TXK: variants seen among roughly 807,000 people sequenced by gnomAD.
TXK encodes tyrosine-protein kinase TXK.
TXK carries 60 observed loss-of-function variants against 81.0 expected under a neutral mutation model. The ratio of observed to expected loss-of-function variants is 0.74; its 90% CI spans 0.60 to 0.92. The LOEUF is 0.92. Ranked by LOEUF, TXK falls within the 40% of genes least tolerant of loss-of-function variation. The probability of loss-of-function intolerance (pLI) is 0.00; values close to 1 mark genes in which losing one functional copy is unlikely to be tolerated. For missense variants in TXK, 581 were observed against 638.3 expected, an observed-to-expected ratio of 0.91 and a Z score of 0.97; for synonymous variants, 203 against 210.7, an observed-to-expected ratio of 0.96 and a Z score of 0.32.
chr4:48,094,129 G>T lies in TXK; in HGVS notation c.657C>A (p.His219Gln). ...DSGQWYVAER[H>Q]AFQSIPELIW... is the part of the protein sequence containing the mutation. ...TTAACTCAGGGATTGATTGAAAGGC[G>T]TGTCTTTCAGCCACATACCACTGTC... is the stretch of plus-strand genomic sequence containing the variant. Residue 219 changes from histidine (H) to glutamine (Q), a missense_variant, in exon 8 of 15, where the codon CAC becomes CAA. Transcript: ENST00000264316. The T allele has an allele frequency of 6.2e-7, 1 of 1,613,590 alleles. No individual in the cohort carries two copies. The highest frequency in any genetic ancestry group is 8.5e-7 in the Non-Finnish European group (1 of 1,179,802).
At chr4:48,101,475 G>C (rs1300107907) in intron 6 of TXK, among the ~76,000 whole-genome samples, 1 of 151,730 alleles carries the variant, frequency 6.6e-6, no homozygotes, top group Non-Finnish European at 1.5e-5. Context: ...TATAAGCCAG[G>C]GTCCCTTTTG....
At chr4:48,107,972 G>A (rs1038922858) in intron 5 of TXK, among the ~76,000 whole-genome samples, 1 of 151,694 alleles carries the variant, frequency 6.6e-6, no homozygotes, top group African/African-American at 2.4e-5. Context: ...TCAGGAGGCT[G>A]AGGCAGGAGA....
rs1043323736 is a variant in TXK, at chr4:48,087,441, A to AT, written c.785-805dup. Among the ~76,000 whole-genome samples, 318 of 149,362 alleles carry AT rather than the reference A, an allele frequency of 2.1e-3. 1 individual carries two copies. Among genetic ancestry groups the AT allele is most frequent in the African/African-American group, 6.6e-3 (270 of 40,688 alleles). Reference sequence around the variant, plus strand: ...TATGTTTTATTTTATTATTATTATTATTTTTTTTTTTGGAGGAAGGGTCTC... The same window carrying AT: ...TATGTTTTATTTTATTATTATTATTATTTTTTTTTTTTGGAGGAAGGGTCTC... On this transcript the variant is annotated intron_variant, in intron 9 of 14. Coordinates refer to ENST00000264316, the MANE Select transcript of TXK (RefSeq NM_003328.3).
chr4:48,075,906 C>A (rs1399636228), intron 12 of TXK, among the ~76,000 whole-genome samples: 1 of 151,880 alleles, frequency 6.6e-6, no homozygotes, highest in Non-Finnish European at 1.5e-5. Context: ...TTTCTAGCAC[C>A]ACCCCAAAAA....
intron 1 of TXK, among the ~76,000 whole-genome samples, chr4:48,118,439 A>G (rs1718868185): frequency 6.6e-6 from 1 of 152,220 alleles, no homozygotes; most frequent in South Asian, 2.1e-4. Flanking sequence ...AAGCTTCTGG[A>G]TCTGCTAGGG....
intron 1 of TXK, among the ~76,000 whole-genome samples, chr4:48,115,741 A>G (rs1718794728): frequency 1.3e-5 from 2 of 152,048 alleles, no homozygotes; most frequent in Non-Finnish European, 2.9e-5. Context: ...TGTAGTCTTC[A>G]ATACTCAGGA....
chr4:48,088,113 T>C (rs1229077448), intron 9 of TXK, among the ~76,000 whole-genome samples: 3 of 152,102 alleles, frequency 2.0e-5, no homozygotes, highest in Admixed American at 1.3e-4. Flanking sequence ...CATAATGAGA[T>C]ACTACGACAC....
chr4:48,120,104 T>C (rs1718908309), intron 1 of TXK, among the ~76,000 whole-genome samples: 1 of 151,048 alleles, frequency 6.6e-6, no homozygotes, highest in Non-Finnish European at 1.5e-5. Context: ...TACACAAATA[T>C]ACGTATACAT....
At chr4:48,087,558 C>A (rs1717586170) in intron 9 of TXK, among the ~76,000 whole-genome samples, 1 of 152,086 alleles carries the variant, frequency 6.6e-6, no homozygotes, top group Admixed American at 6.6e-5. Context: ...GCCTCAGCCT[C>A]CCAAGTAGCT....
intron 13 of TXK, 108 bp from the exon 14 acceptor site, chr4:48,071,782 G>A: frequency 7.9e-7 from 1 of 1,273,082 alleles, no homozygotes; most frequent in Non-Finnish European, 1.1e-6. Context: ...CCAGGCTTTG[G>A]GCTATAACCA....
intron 9 of TXK, among the ~76,000 whole-genome samples, chr4:48,089,131 C>T (rs925213656): frequency 2.0e-5 from 3 of 151,976 alleles, no homozygotes; most frequent in Admixed American, 6.6e-5. Context: ...ACCCTTGAAA[C>T]CAAAGAACAA....
intron 5 of TXK, among the ~76,000 whole-genome samples, chr4:48,106,385 A>AG (rs201309598): frequency 3.0e-5 from 4 of 131,500 alleles, no homozygotes; most frequent in African/African-American, 1.6e-4. Flanking sequence ...AAAAGTTAGA[A>AG]GGGTTTTTTT....
intron 1 of TXK, among the ~76,000 whole-genome samples, chr4:48,124,715 A>G (rs16860977): frequency 0.023 from 3,487 of 152,330 alleles, 157 homozygotes; most frequent in African/African-American, 0.081. Context: ...GTGGGGGCTC[A>G]TAAGTCTAAC....
chr4:48,102,669 T>C (rs1419758854), intron 6 of TXK, among the ~76,000 whole-genome samples: 1 of 152,212 alleles, frequency 6.6e-6, no homozygotes, highest in Admixed American at 6.5e-5. Context: ...AGAAAATTCA[T>C]TGCAGCACTG....
intron 13 of TXK, 76 bp downstream of exon 13, chr4:48,073,859 G>T: frequency 1.0e-6 from 1 of 981,716 alleles, no homozygotes; most frequent in Non-Finnish European, 1.5e-6. Flanking sequence ...TATCAATTAG[G>T]AAATCAAAGT....
chr4:48,114,846 C>T (rs2109475456), intron 1 of TXK, among the ~76,000 whole-genome samples: 1 of 152,086 alleles, frequency 6.6e-6, no homozygotes, highest in East Asian at 1.9e-4. Context: ...ATCAACATTT[C>T]AGTGGGATTT....
chr4:48,112,870 G>A (rs755553333), intron 3 of TXK, among the ~76,000 whole-genome samples: 6 of 151,412 alleles, frequency 4.0e-5, no homozygotes, highest in Admixed American at 6.6e-5. Context: ...TTTTTATGTG[G>A]TGGCAGTTTG....
intron 10 of TXK, among the ~76,000 whole-genome samples, chr4:48,083,856 C>T (rs970367411): frequency 6.6e-6 from 1 of 151,990 alleles, no homozygotes; most frequent in South Asian, 2.1e-4. Context: ...TAACACAAGG[C>T]GATACAACAG....
intron 1 of TXK, among the ~76,000 whole-genome samples, chr4:48,128,048 C>T (rs1364191155): frequency 6.6e-6 from 1 of 152,196 alleles, no homozygotes; most frequent in Non-Finnish European, 1.5e-5. Flanking sequence ...ATGTGAAGAA[C>T]TGTGGGGCCC....
Sources: allele counts gnomAD v4.1 joint callset (sites outside exome capture counted in the v4.1 genomes callset), GRCh38; gene constraint gnomAD v4.1.1; transcripts MANE v1.5; gene names NCBI Gene and HGNC (gene_info 2026-07-23, HGNC 2026-07-21).